BORCS5: variants seen among roughly 807,000 people sequenced by gnomAD.
BORCS5 encodes the protein BLOC-1 related complex subunit 5, also known as BLOC-1-related complex subunit 5.
Under a neutral mutation model 22.1 loss-of-function variants are expected in BORCS5, and 17 were observed. The observed-to-expected ratio is 0.77, with a 90% confidence interval of 0.53 to 1.15. The LOEUF is 1.15. Among genes scored for constraint, BORCS5 ranks in the 50% most tolerant of loss-of-function variants. BORCS5 has a pLI of 0.00. For synonymous variants in BORCS5, 117 were observed against 99.8 expected (o/e 1.17, Z -1.03); for missense variants, 247 against 253.2 (o/e 0.98, Z 0.17).
intron 2 of BORCS5, among the ~76,000 whole-genome samples, chr12:12,364,735 G>T (rs887408367): frequency 6.6e-6 from 1 of 152,248 alleles, no homozygotes; most frequent in African/African-American, 2.4e-5. Flanking sequence ...GGAAGGCCAA[G>T]GCGGTTGGAT....
chr12:12,361,454 G>A, intron 2 of BORCS5, 105 bp downstream of exon 2: 2 of 1,290,962 alleles, frequency 1.5e-6, no homozygotes, highest in Non-Finnish European at 1.1e-6. Flanking sequence ...ATCTCCTTTA[G>A]GTCTTTGCTT....
At chr12:12,436,003 TTC>T (rs1303459295) in intron 3 of BORCS5, 4 of 454,732 alleles carry the variant, frequency 8.8e-6, no homozygotes, top group Non-Finnish European at 1.2e-5. Context: ...GTTGCTTAAC[TTC>T]TCTGTCTCAG....
intron 3 of BORCS5, among the ~76,000 whole-genome samples, chr12:12,453,615 G>T (rs1179846674): frequency 6.6e-6 from 1 of 152,184 alleles, no homozygotes; most frequent in African/African-American, 2.4e-5. Context: ...TGCATTACTG[G>T]TATCTGTCGG....
chr12:12,390,661 C>G (rs1460743471), intron 2 of BORCS5, among the ~76,000 whole-genome samples: 1 of 151,152 alleles, frequency 6.6e-6, no homozygotes, highest in Non-Finnish European at 1.5e-5. Context: ...GTGGATGCAC[C>G]TGTAGCCTCA....
intron 2 of BORCS5, among the ~76,000 whole-genome samples, chr12:12,417,518 C>T (rs1942001542): frequency 1.3e-5 from 2 of 152,114 alleles, no homozygotes; most frequent in African/African-American, 4.8e-5. Context: ...TACTTATCTT[C>T]TGTTTGGTGG....
intron 2 of BORCS5, among the ~76,000 whole-genome samples, chr12:12,402,018 A>G (rs567912669): frequency 1.8e-4 from 27 of 149,984 alleles, no homozygotes; most frequent in African/African-American, 5.7e-4. Context: ...GTGAGCCAAG[A>G]TGGCGCCACT....
chr12:12,421,588 C>G (rs1463813392), intron 2 of BORCS5, among the ~76,000 whole-genome samples: 1 of 152,156 alleles, frequency 6.6e-6, no homozygotes, highest in Admixed American at 6.6e-5. Flanking sequence ...GGAGGATTCC[C>G]TCTTTTTCTA....
intron 3 of BORCS5, among the ~76,000 whole-genome samples, chr12:12,457,321 T>G (rs1009604576): frequency 2.6e-5 from 4 of 152,262 alleles, no homozygotes; most frequent in African/African-American, 7.2e-5. Context: ...GACTCAGTTC[T>G]GTCTGATGCT....
chr12:12,435,019 A>G (rs1942524573), intron 2 of BORCS5, among the ~76,000 whole-genome samples: 2 of 152,188 alleles, frequency 1.3e-5, no homozygotes, highest in Non-Finnish European at 2.9e-5. Context: ...CCCTATGCAA[A>G]TACAGGGGAG....
intron 2 of BORCS5, among the ~76,000 whole-genome samples, chr12:12,362,810 G>A (rs1863320125): frequency 6.6e-6 from 1 of 150,488 alleles, no homozygotes; most frequent in Non-Finnish European, 1.5e-5. Context: ...CAAGCTAAAT[G>A]TTTTTATTAT....
chr12:12,464,688 T>C (rs1450846636), intron 3 of BORCS5, among the ~76,000 whole-genome samples: 2 of 152,158 alleles, frequency 1.3e-5, no homozygotes, highest in Non-Finnish European at 2.9e-5. Context: ...TCTCTATTTT[T>C]ATCTGGGTGA....
In BORCS5 at chr12:12,357,094, G is replaced by A. The variant is rs1263379799; in HGVS notation, c.-358G>A. On this transcript the variant is annotated 5_prime_UTR_variant, in exon 1 of 4. Transcript: ENST00000314565. ...GCACCGCCCATCTGCGTCCCGGAAG[G>A]AGCGAGCTTGCGGAGCGTGAACCAG... 6.5e-7 allele frequency: 1 copy of A among 1,534,510 alleles called. No individual in the cohort carries two copies. The highest frequency in any genetic ancestry group is 8.7e-7 in the Non-Finnish European group (1 of 1,145,972).
intron 3 of BORCS5, among the ~76,000 whole-genome samples, chr12:12,449,931 C>T (rs570377106): frequency 6.6e-6 from 1 of 152,302 alleles, no homozygotes; most frequent in African/African-American, 2.4e-5. Context: ...GGTTCCTATT[C>T]CTGATGGACG....
chr12:12,388,300 G>A (rs1863926896), intron 2 of BORCS5, among the ~76,000 whole-genome samples: 2 of 151,182 alleles, frequency 1.3e-5, no homozygotes, highest in Admixed American at 1.3e-4. Flanking sequence ...TATGGTAGCA[G>A]TGACCAGAGA....
chr12:12,442,532 T>TA (rs1942706078), intron 3 of BORCS5, among the ~76,000 whole-genome samples: 1 of 152,178 alleles, frequency 6.6e-6, no homozygotes, highest in South Asian at 2.1e-4. Context: ...TCAGATGAAC[T>TA]GGTAAGAAAA....
At chr12:12,402,454 C>T (rs1941502035) in intron 2 of BORCS5, among the ~76,000 whole-genome samples, 1 of 152,146 alleles carries the variant, frequency 6.6e-6, no homozygotes, top group Admixed American at 6.5e-5. Flanking sequence ...GGAAATTCTG[C>T]CCTACTGTGG....
At chr12:12,456,242 G>C (rs1409777173) in intron 3 of BORCS5, among the ~76,000 whole-genome samples, 1 of 152,194 alleles carries the variant, frequency 6.6e-6, no homozygotes, top group East Asian at 1.9e-4. Context: ...AGATCAGCCA[G>C]GGCATCATCT....
At position 12,468,049 on chromosome 12, in the gene BORCS5, G is replaced by A. The variant is rs1034435638; in HGVS notation, c.*2273G>A. 3 of 152,236 alleles carry A rather than the reference G, an allele frequency of 2.0e-5. No individual in the cohort carries two copies. Among genetic ancestry groups the A allele is most frequent in the Non-Finnish European group, 4.4e-5 (3 of 68,066 alleles). The allele number at this position is 152,236 out of a possible 1,614,324, so 9.4% of individuals were successfully genotyped here. A position where few individuals can be genotyped will look rare whatever the true frequency, so the allele number is the denominator to read the frequency against. ...CCAGCACGGGCTCTGATGAGAGACA[G>A]GTGCAGGTCCCAGCTTGTGGCTTGC... On this transcript the variant is annotated 3_prime_UTR_variant, in exon 4 of 4. Coordinates refer to ENST00000314565, the MANE Select transcript of BORCS5 (RefSeq NM_058169.6).
intron 2 of BORCS5, among the ~76,000 whole-genome samples, chr12:12,407,173 A>G (rs11054885): frequency 0.31 from 47,488 of 152,104 alleles, 7,759 homozygotes; most frequent in Admixed American, 0.35. Context: ...CTTTTTGCAA[A>G]TAATTTTGAA....
Sources: gnomAD v4.1 joint callset for allele counts (sites outside exome capture counted in the v4.1 genomes callset) on GRCh38, gnomAD v4.1.1 for gene constraint, MANE v1.5 for transcripts, NCBI Gene and HGNC (gene_info 2026-07-23, HGNC 2026-07-21) for gene names.